The following IARS2 variants were observed in gnomAD, a reference collection of about 807,000 sequenced individuals.
IARS2 encodes isoleucyl-tRNA synthetase 2, mitochondrial.
IARS2 carries 56 observed loss-of-function variants against 126.3 expected under a neutral mutation model. The observed-to-expected ratio is 0.44, with a 90% CI of 0.36 to 0.55. The LOEUF is 0.55. Among genes scored for constraint, IARS2 ranks in the 20% least tolerant of loss-of-function variants. IARS2 has a pLI of 0.00. For synonymous variants in IARS2, 407 were observed against 441.1 expected, an observed-to-expected ratio of 0.92 and a Z score of 0.97; for missense variants, 1,127 against 1,245.9, an observed-to-expected ratio of 0.90 and a Z score of 1.44.
intron 11 of IARS2, among the ~76,000 whole-genome samples, chr1:220,111,853 T>C (rs1656810152): frequency 6.6e-6 from 1 of 152,016 alleles, no homozygotes; most frequent in African/African-American, 2.4e-5. Context: ...TGCATTTTGG[T>C]TTTTTCTTCA....
At chr1:220,108,856 CTT>C (rs35836043) in intron 10 of IARS2, among the ~76,000 whole-genome samples, 6 of 68,258 alleles carry the variant, frequency 8.8e-5, no homozygotes, top group Non-Finnish European at 1.5e-4. Flanking sequence ...TGTGAATCCT[CTT>C]TTTTTTTTTT....
intron 14 of IARS2, among the ~76,000 whole-genome samples, chr1:220,128,869 C>T (rs1455710396): frequency 6.6e-6 from 1 of 150,976 alleles, no homozygotes; most frequent in Admixed American, 6.6e-5. Context: ...TAAAATCTAT[C>T]TGATAGAGTT....
rs1312845866 is a variant in IARS2 at position 220,094,136 on chromosome 1, G to C, written c.-81G>C. On this transcript the variant is annotated 5_prime_UTR_variant, in exon 1 of 23. Coordinates refer to ENST00000366922, the MANE Select transcript of IARS2 (RefSeq NM_018060.4). ...CCGGAGCGCGTGCGCCCTCTTACTC[G>C]GCTCCCCTTGGTTTCCTGGGGTCCT... 103 of 1,256,250 alleles carry C rather than the reference G, an allele frequency of 8.2e-5. No individual in the cohort carries two copies. Among genetic ancestry groups the C allele is most frequent in the Middle Eastern group, 3.2e-4 (1 of 3,094 alleles). The allele number at this position is 1,256,250 out of a possible 1,614,324, so 77.8% of individuals were successfully genotyped here.
chr1:220,128,046 C>T (rs978322582), intron 14 of IARS2, among the ~76,000 whole-genome samples: 2 of 152,142 alleles, frequency 1.3e-5, no homozygotes, highest in African/African-American at 4.8e-5. Context: ...GATGATAATA[C>T]ATCTGACTCC....
At chr1:220,115,781 G>T (rs1656900737) in intron 12 of IARS2, among the ~76,000 whole-genome samples, 1 of 152,104 alleles carries the variant, frequency 6.6e-6, no homozygotes, top group Non-Finnish European at 1.5e-5. Context: ...GTGAGACTGA[G>T]GAATTTACTT....
Position 220,140,253 on chromosome 1 carries a change from A to C in IARS2, c.2378A>C (p.Glu793Ala), listed in dbSNP as rs1455004613. 6.2e-7 allele frequency: 1 copy of C among 1,610,200 alleles called. No individual in the cohort carries two copies. Among genetic ancestry groups the C allele is most frequent in the Admixed American group, 1.7e-5 (1 of 59,974 alleles). The stretch of plus-strand genomic sequence containing the variant: ...CTGTTACGGACGTTTTATACCAGAG[A>C]GCTCTCTAACTTTTATTTCAGTATA... The part of the protein sequence containing the change: ...VRLLRTFYTR[E>A]LSNFYFSIIK... Residue 793 changes from glutamate (E) to alanine (A), a missense_variant, in exon 19 of 23, where the codon GAG becomes GCG. Glu to Ala is a moderately radical substitution (Grantham distance 107). Coordinates refer to ENST00000366922, the MANE Select transcript of IARS2 (RefSeq NM_018060.4).
chr1:220,141,154 T>C (rs757394508), intron 19 of IARS2, among the ~76,000 whole-genome samples: 34 of 152,176 alleles, frequency 2.2e-4, no homozygotes, highest in Non-Finnish European at 4.0e-4. Flanking sequence ...AAAGCAATAA[T>C]GTGCTTAAAG....
At chr1:220,147,439 C>A in intron 22 of IARS2, 54 bp from the exon 23 acceptor site, 1 of 1,564,618 alleles carries the variant, frequency 6.4e-7, no homozygotes, top group Non-Finnish European at 8.8e-7. Context: ...AATTAAGAAA[C>A]AGTGTTACAA....
At chr1:220,142,068 A>T in intron 20 of IARS2, 120 bp downstream of exon 20, 1 of 919,734 alleles carries the variant, frequency 1.1e-6, no homozygotes, top group South Asian at 1.6e-5. Context: ...TGTGTGACAC[A>T]GTGTGTCTTG....
chr1:220,096,650 GTTCT>G (rs1656450210), intron 2 of IARS2, among the ~76,000 whole-genome samples: 1 of 152,132 alleles, frequency 6.6e-6, no homozygotes, highest in Admixed American at 6.6e-5. Flanking sequence ...TCATTTTTCA[GTTCT>G]TTATTTTTTG....
intron 2 of IARS2, among the ~76,000 whole-genome samples, chr1:220,098,497 C>T (rs1656499646): frequency 6.6e-6 from 1 of 152,112 alleles, no homozygotes; most frequent in Non-Finnish European, 1.5e-5. Flanking sequence ...TTGCTTTTTT[C>T]TCCATAGTGT....
chr1:220,116,999 G>A (rs532467077), intron 12 of IARS2, among the ~76,000 whole-genome samples: 1 of 152,042 alleles, frequency 6.6e-6, no homozygotes, highest in Admixed American at 6.6e-5. Context: ...ATCCACCTCT[G>A]CCTCCCAGAG....
chr1:220,100,347 G>T, intron 2 of IARS2, 143 bp from the exon 3 acceptor site: 1 of 636,850 alleles, frequency 1.6e-6, no homozygotes. Flanking sequence ...TTTAAAAATG[G>T]TATTAAGTTT....
At chr1:220,133,103 C>G (rs112675706) in intron 14 of IARS2, among the ~76,000 whole-genome samples, 2 of 151,796 alleles carry the variant, frequency 1.3e-5, no homozygotes, top group African/African-American at 4.8e-5. Flanking sequence ...CTCCACCTCC[C>G]AGGTTCAAGT....
chr1:220,112,837 G>T (rs1231319157), intron 11 of IARS2, among the ~76,000 whole-genome samples: 1 of 151,560 alleles, frequency 6.6e-6, no homozygotes, highest in Admixed American at 6.6e-5. Flanking sequence ...GTAATTACAG[G>T]TGTCAGCCAA....
chr1:220,106,128 C>A, intron 9 of IARS2, 68 bp downstream of exon 9: 1 of 1,326,988 alleles, frequency 7.5e-7, no homozygotes, highest in Non-Finnish European at 1.0e-6. Context: ...TTCTAACCAA[C>A]ATCTTCATTT....
At chr1:220,112,555 CTT>C (rs750583631) in intron 11 of IARS2, among the ~76,000 whole-genome samples, 160 of 116,082 alleles carry the variant, frequency 1.4e-3, no homozygotes, top group African/African-American at 2.2e-3. Context: ...AAGATAAGCT[CTT>C]TTTTTTTTTT....
intron 12 of IARS2, among the ~76,000 whole-genome samples, chr1:220,119,325 G>A (rs927638269): frequency 2.0e-5 from 3 of 152,058 alleles, no homozygotes; most frequent in African/African-American, 4.8e-5. Flanking sequence ...ATGAAGTAAA[G>A]CATTAAGATG....
intron 21 of IARS2, 170 bp downstream of exon 21, chr1:220,143,304 CT>C (rs541010162): frequency 1.6e-4 from 64 of 410,056 alleles, no homozygotes; most frequent in African/African-American, 1.2e-3. Context: ...TTTTAAATAT[CT>C]TTTAATAAAT....
Sources: gnomAD v4.1 joint callset for allele counts (sites outside exome capture counted in the v4.1 genomes callset) on GRCh38, gnomAD v4.1.1 for gene constraint, MANE v1.5 for transcripts, NCBI Gene and HGNC (gene_info 2026-07-23, HGNC 2026-07-21) for gene names.